ANKRD36: variants seen among roughly 807,000 people sequenced by gnomAD.
ANKRD36 encodes the protein ankyrin repeat domain 36.
Under a neutral mutation model 278.1 loss-of-function variants are expected in ANKRD36, and 179 were observed. That is an observed-to-expected ratio of 0.64 (90% CI 0.57 to 0.73). The LOEUF (loss-of-function observed/expected upper bound fraction) is 0.73. Among genes scored for constraint, ANKRD36 ranks in the 30% least tolerant of loss-of-function variants. The probability of loss-of-function intolerance (pLI) is 0.00; values close to 1 mark genes in which losing one functional copy is unlikely to be tolerated. For missense variants in ANKRD36, 1,159 were observed against 1,956.7 expected, an observed-to-expected ratio of 0.59 and a Z score of 7.69; for synonymous variants, 320 against 641.1, an observed-to-expected ratio of 0.50 and a Z score of 7.57.
chr2:97,250,441 T>A (rs2075825018), intron 75 of ANKRD36, among the ~76,000 whole-genome samples: 1 of 138,882 alleles, frequency 7.2e-6, no homozygotes, highest in Non-Finnish European at 1.5e-5. Flanking sequence ...ACTTTTCTTC[T>A]GCCACCCCTA....
intron 42 of ANKRD36, among the ~76,000 whole-genome samples, chr2:97,196,992 A>G (rs1016043853): frequency 2.6e-5 from 4 of 151,900 alleles, no homozygotes; most frequent in African/African-American, 9.7e-5. Context: ...ACACTTCCAC[A>G]CTTTGAAGTT....
chr2:97,117,724 C>G (rs2035871819), intron 1 of ANKRD36, among the ~76,000 whole-genome samples: 2 of 151,976 alleles, frequency 1.3e-5, no homozygotes, highest in Non-Finnish European at 2.9e-5. Context: ...GTTCTAAATG[C>G]TGTGCATAGA....
Position 97,122,962 on chromosome 2 carries a change from G to A in ANKRD36, c.562G>A (p.Ala188Thr), listed in dbSNP as rs574084137. The A allele has an allele frequency of 2.8e-5, 43 of 1,543,820 alleles. No homozygotes were observed. In the South Asian group the frequency reaches 3.7e-4, roughly 13 times the overall value. ...GGTGGAATTTTTATTAAAGAAAAAA[G>A]CAAATGTAAATGCCATTGATTATCT... ...KMVEFLLKKK[A>T]NVNAIDYLGR... The change falls in exon 4 of 76, where the codon GCA (alanine) becomes ACA (threonine). Residue 188 changes from alanine to threonine, a missense_variant. Physicochemically the swap from Ala to Thr is moderately conservative, Grantham distance 58. Transcript: ENST00000420699.
chr2:97,204,473 A>T (rs1449225678), intron 50 of ANKRD36, among the ~76,000 whole-genome samples: 56 of 151,688 alleles, frequency 3.7e-4, no homozygotes, highest in Non-Finnish European at 7.2e-4. Context: ...CCCCACATTG[A>T]AATTGGGAAG....
rs775381831 is a variant in ANKRD36 at position 97,192,997 on chromosome 2, A to T, written c.2393A>T (p.Glu798Val). 2 of 1,577,060 alleles carry T rather than the reference A, an allele frequency of 1.3e-6. No homozygotes were observed. Among genetic ancestry groups the T allele is most frequent in the South Asian group, 1.2e-5 (1 of 86,956 alleles). ...TCCATTCAGGCTACAAGTGACGAGG[A>T]AGGTTCTGTTTTGAGTATAGCCAGA... ...PPALTATSDE[E>V]GSVLSIAREN... The change falls in exon 38 of 76, where the codon GAA becomes GTA. Residue 798 changes from glutamate (E) to valine (V), a missense_variant. By Grantham distance (121) the Glu-to-Val change is moderately radical. Coordinates refer to ENST00000420699, the MANE Select transcript of ANKRD36 (RefSeq NM_001354587.1).
At chr2:97,129,455 T>G (rs1321797587) in intron 6 of ANKRD36, among the ~76,000 whole-genome samples, 1 of 152,092 alleles carries the variant, frequency 6.6e-6, no homozygotes, top group East Asian at 1.9e-4. Context: ...TCTTTTGCTG[T>G]GCAGAAGCTC....
At chr2:97,127,958 A>T (rs1169365558) in intron 6 of ANKRD36, among the ~76,000 whole-genome samples, 1 of 152,062 alleles carries the variant, frequency 6.6e-6, no homozygotes, top group Non-Finnish European at 1.5e-5. Flanking sequence ...AATATAAAGC[A>T]GAAGCAGAAA....
In ANKRD36 at chr2:97,209,834, T is replaced by C. The variant is rs778686765; in HGVS notation, c.3329T>C (p.Ile1110Thr). The change falls in exon 56 of 76, where the codon ATA becomes ACA. Residue 1110 changes from isoleucine to threonine, a missense_variant. By Grantham distance (89) the Ile-to-Thr change is moderately conservative. Coordinates refer to ENST00000420699, the MANE Select transcript of ANKRD36 (RefSeq NM_001354587.1). Reference sequence around the variant, plus strand: ...GACGAGAAAGATTCTGTTTTGTATATAGCCAGAGAAAAAAAGGATGGAGAA... The same window carrying C: ...GACGAGAAAGATTCTGTTTTGTATACAGCCAGAGAAAAAAAGGATGGAGAA... ...TSDEKDSVLY[I>T]AREKKDGEKS... is the part of the protein sequence containing the mutation. 1.3e-5 allele frequency: 21 copies of C among 1,595,662 alleles called. No individual in the cohort carries two copies. Among genetic ancestry groups the C allele is most frequent in the South Asian group, 5.6e-5 (5 of 88,774 alleles).
intron 69 of ANKRD36, among the ~76,000 whole-genome samples, chr2:97,242,166 T>C (rs2153689388): frequency 6.6e-6 from 1 of 151,282 alleles, no homozygotes. Context: ...TGGTTGTACC[T>C]GTAATCCCAG....
rs143287529 is a variant in ANKRD36 at position 97,182,578 on chromosome 2, A to G, written c.1837+785A>G. ...CAATTTAATGAAAATGCTTTAGAGAATAACATGATATTTTATACCAGACTA... is the reference window on the plus strand; with the variant it reads ...CAATTTAATGAAAATGCTTTAGAGAGTAACATGATATTTTATACCAGACTA... On this transcript the variant is annotated intron_variant, in intron 26 of 75. Transcript: ENST00000420699. 6.4e-3 allele frequency among the ~76,000 whole-genome samples: 969 copies of G among 150,412 alleles called. 52 individuals are homozygous for G. The East Asian group carries it at 0.11, about 16-fold the overall frequency.
intron 50 of ANKRD36, among the ~76,000 whole-genome samples, chr2:97,204,465 C>G (rs772501052): frequency 6.6e-6 from 1 of 151,566 alleles, no homozygotes. Context: ...ATACACTTCC[C>G]CACATTGAAA....
chr2:97,214,049 T>C (rs892850111), intron 60 of ANKRD36, among the ~76,000 whole-genome samples: 2 of 150,920 alleles, frequency 1.3e-5, no homozygotes, highest in South Asian at 2.1e-4. Context: ...ACCACTGATA[T>C]AGCAATGATT....
At position 97,190,391 on chromosome 2, in the gene ANKRD36, C is replaced by T. The variant is rs1274316373; in HGVS notation, c.2246-587C>T. 1.1e-4 allele frequency among the ~76,000 whole-genome samples: 12 copies of T among 109,746 alleles called. 1 individual carries two copies. Among genetic ancestry groups the T allele is most frequent in the Admixed American group, 2.6e-4 (3 of 11,336 alleles). 72.0% of individuals were successfully genotyped at this position (109,746 alleles called of 152,430 possible). ...GAAACTTAGGCAAATTATTACAACA[C>T]ATGGGTGTGAGAGATAATGAATATT... On this transcript the variant is annotated intron_variant, in intron 34 of 75. Coordinates refer to ENST00000420699, the MANE Select transcript of ANKRD36 (RefSeq NM_001354587.1).
At chr2:97,191,421 T>G (rs1298287384) in intron 36 of ANKRD36, among the ~76,000 whole-genome samples, 5 of 151,678 alleles carry the variant, frequency 3.3e-5, no homozygotes, top group African/African-American at 4.8e-5. Flanking sequence ...TGGAGAGCAG[T>G]TGAAGACATA....
chr2:97,129,755 C>T (rs944201740), intron 6 of ANKRD36, among the ~76,000 whole-genome samples: 4 of 152,016 alleles, frequency 2.6e-5, no homozygotes, highest in Non-Finnish European at 5.9e-5. Context: ...TTCTTTTTGT[C>T]AGGTTTGTCA....
chr2:97,226,922 G>A (rs1370131532), intron 67 of ANKRD36, among the ~76,000 whole-genome samples: 1 of 151,970 alleles, frequency 6.6e-6, no homozygotes, highest in Non-Finnish European at 1.5e-5. Context: ...GGTTGTCAAA[G>A]ATCAGATAGT....
intron 44 of ANKRD36, 130 bp from the exon 45 acceptor site, chr2:97,200,204 A>G: frequency 1.3e-6 from 2 of 1,555,740 alleles, no homozygotes; most frequent in Non-Finnish European, 1.7e-6. Flanking sequence ...CCCCAGACAC[A>G]AAGTAGAAGC....
chr2:97,187,477 G>C, intron 32 of ANKRD36, 76 bp downstream of exon 32: 1 of 1,438,728 alleles, frequency 7.0e-7, no homozygotes, highest in South Asian at 1.3e-5. Context: ...ATAAATCAGC[G>C]GAGGGCGGGT....
chr2:97,168,220 T>C (rs946900317), intron 22 of ANKRD36, among the ~76,000 whole-genome samples: 2 of 152,298 alleles, frequency 1.3e-5, no homozygotes, highest in African/African-American at 4.8e-5. Flanking sequence ...TCACATGCTC[T>C]GATTACCAGC....
Sources: gnomAD v4.1 joint callset for allele counts (sites outside exome capture counted in the v4.1 genomes callset) on GRCh38, gnomAD v4.1.1 for gene constraint, MANE v1.5 for transcripts, NCBI Gene and HGNC (gene_info 2026-07-23, HGNC 2026-07-21) for gene names.